Variants in VPS8 observed in about 807,000 individuals in gnomAD.
The protein encoded by VPS8 is VPS8 subunit of CORVET complex.
In VPS8, 129 loss-of-function variants were observed where a neutral mutation model predicts 216.4. That is an observed-to-expected ratio of 0.60 (90% CI 0.52 to 0.69). The LOEUF (loss-of-function observed/expected upper bound fraction) is 0.69, where lower values mean the gene tolerates loss of function less well. VPS8 is among the 30% of genes least tolerant of loss of function. VPS8 has a pLI of 0.00. For missense variants in VPS8, 1,531 were observed against 1,683.5 expected, an observed-to-expected ratio of 0.91 and a Z score of 1.59; for synonymous variants, 571 against 565.4, an observed-to-expected ratio of 1.01 and a Z score of -0.14.
intron 25 of VPS8, among the ~76,000 whole-genome samples, chr3:184,912,116 C>G (rs1301794847): frequency 6.6e-6 from 1 of 152,182 alleles, no homozygotes; most frequent in Non-Finnish European, 1.5e-5. Flanking sequence ...CTCCCCTCCC[C>G]TTTCTAAACC....
chr3:184,957,359 C>CT lies in VPS8; in HGVS notation c.3036-11dup, dbSNP rs779585237. The CT allele has an allele frequency of 6.3e-7, 1 of 1,595,500 alleles. No individual in the cohort carries two copies. The highest frequency in any genetic ancestry group is 1.3e-5 in the African/African-American group (1 of 74,598). The stretch of plus-strand genomic sequence containing the variant: ...TGCTACAATTGAGTGTTCTCTTTAT[C>CT]TTTTATGTTTTTAGGGAAGGTATTC... On this transcript the variant is annotated splice_polypyrimidine_tract_variant and intron_variant, in intron 36 of 47. Transcript: ENST00000625842.
intron 27 of VPS8, 71 bp downstream of exon 27, chr3:184,915,124 GT>G: frequency 6.5e-7 from 1 of 1,544,720 alleles, no homozygotes; most frequent in Non-Finnish European, 8.9e-7. Flanking sequence ...ACAAATTGCA[GT>G]TGAGGCTTAC....
In VPS8 at chr3:184,902,829, C is replaced by CA. The variant is rs200582217; in HGVS notation, c.2146+1873dup. On this transcript the variant is annotated intron_variant, in intron 25 of 47. Coordinates refer to ENST00000625842, the MANE Select transcript of VPS8 (RefSeq NM_001009921.3). ...GGGGCAACAGAGTGAGATGCTGTCT[C>CA]AAAAAAAAAAAAAAAAGAAATCTTG... is the stretch of plus-strand genomic sequence containing the variant. 2.8e-3 allele frequency among the ~76,000 whole-genome samples: 302 copies of CA among 107,682 alleles called. 1 individual carries two copies. The highest frequency in any genetic ancestry group is 5.4e-3 in the South Asian group (17 of 3,158). 70.6% of individuals were successfully genotyped at this position (107,682 alleles called of 152,430 possible).
chr3:184,891,652 G>A (rs936505016), intron 22 of VPS8, among the ~76,000 whole-genome samples: 1 of 152,060 alleles, frequency 6.6e-6, no homozygotes, highest in Non-Finnish European at 1.5e-5. Flanking sequence ...ACGAACTGTG[G>A]TACTTGTATC....
chr3:184,949,028 G>A (rs1275317058), intron 36 of VPS8, among the ~76,000 whole-genome samples: 1 of 152,122 alleles, frequency 6.6e-6, no homozygotes, highest in Non-Finnish European at 1.5e-5. Flanking sequence ...AGATTAGTCT[G>A]GGTGAGGTGG....
intron 45 of VPS8, among the ~76,000 whole-genome samples, chr3:185,000,731 G>A (rs1284795221): frequency 6.6e-6 from 1 of 150,812 alleles, no homozygotes; most frequent in Non-Finnish European, 1.5e-5. Flanking sequence ...TCAGCCTCCC[G>A]AGTAGCTGGG....
At position 184,915,028 on chromosome 3, in the gene VPS8, ATC is replaced by A; in HGVS notation, c.2239_2240del (p.Leu747GlyfsTer5). On this transcript the variant is annotated frameshift_variant, in exon 27 of 48. Transcript: ENST00000625842. LOFTEE classifies it high-confidence loss of function. ...TATCCCCTTGGTGACATCCCTGAAG[ATC>A]TGGTTCCCTTGGTTAAAAACCAGGT... 1 of 1,613,946 alleles carries A rather than the reference ATC, an allele frequency of 6.2e-7. No individual in the cohort carries two copies. Among genetic ancestry groups the A allele is most frequent in the Non-Finnish European group, 8.5e-7 (1 of 1,179,864 alleles).
At position 184,949,750 on chromosome 3, in the gene VPS8, A is replaced by G. The variant is rs184690266; in HGVS notation, c.3036-7624A>G. Among the ~76,000 whole-genome samples, 348 of 152,182 alleles carry G rather than the reference A, an allele frequency of 2.3e-3. 7 individuals are homozygous for G. The highest frequency in any genetic ancestry group is 0.023 in the Admixed American group (345 of 15,284). ...TTCAGGCAGATTGGAACATTCATTT[A>G]TGTTTTGCTTAGTTGGCAAAACTAA... On this transcript the variant is annotated intron_variant, in intron 36 of 47. Transcript: ENST00000625842.
At chr3:184,933,419 C>G (rs1229447561) in intron 34 of VPS8, among the ~76,000 whole-genome samples, 1 of 152,044 alleles carries the variant, frequency 6.6e-6, no homozygotes, top group East Asian at 1.9e-4. Flanking sequence ...CTCATACTTA[C>G]TGTTTTGGAA....
intron 46 of VPS8, among the ~76,000 whole-genome samples, chr3:185,033,781 T>C (rs1257333161): frequency 2.0e-5 from 3 of 152,176 alleles, no homozygotes; most frequent in Non-Finnish European, 4.4e-5. Context: ...TCACCAGCAT[T>C]TGGTGTTGTG....
At chr3:184,924,798 T>A (rs1038569969) in intron 29 of VPS8, 64 bp from the exon 30 acceptor site, 1 of 1,147,666 alleles carries the variant, frequency 8.7e-7, no homozygotes, top group African/African-American at 3.3e-5. Context: ...CTTCTAATTG[T>A]ATTTTTTTTT....
chr3:184,835,097 C>A (rs1457575665), intron 5 of VPS8: 1 of 166,868 alleles, frequency 6.0e-6, no homozygotes, highest in South Asian at 2.0e-4. Context: ...TTTCTCTTTT[C>A]ATATGGAGAA....
At chr3:184,975,388 A>T (rs1749085389) in intron 40 of VPS8, among the ~76,000 whole-genome samples, 1 of 151,432 alleles carries the variant, frequency 6.6e-6, no homozygotes, top group South Asian at 2.1e-4. Context: ...TGATTGTTGA[A>T]TGTTGATTTT....
Position 184,878,197 on chromosome 3 carries a change from G to A in VPS8, c.1734+7392G>A, listed in dbSNP as rs1729617524. Among the ~76,000 whole-genome samples, 3 of 151,276 alleles carry A rather than the reference G, an allele frequency of 2.0e-5. No individual in the cohort carries two copies. The South Asian group carries it at 6.3e-4, about 32-fold the overall frequency. ...ATGATCTCGGCTCACTGCAACCTCT[G>A]CCTCCCGGGTTCAAGCTATTTTCCT... On this transcript the variant is annotated intron_variant, in intron 21 of 47. Coordinates refer to ENST00000625842, the MANE Select transcript of VPS8 (RefSeq NM_001009921.3).
At chr3:184,884,641 C>T (rs897178947) in intron 21 of VPS8, among the ~76,000 whole-genome samples, 15 of 151,922 alleles carry the variant, frequency 9.9e-5, no homozygotes, top group African/African-American at 3.6e-4. Flanking sequence ...TTCTAATTTC[C>T]TTTCATTGAG....
chr3:185,014,798 A>G (rs114735414), intron 45 of VPS8, among the ~76,000 whole-genome samples: 2,219 of 152,308 alleles, frequency 0.015, 21 homozygotes, highest in Non-Finnish European at 0.024. Context: ...TGTGTTTAAT[A>G]TTCCATGTAG....
At chr3:184,995,032 A>T (rs930129445) in intron 43 of VPS8, among the ~76,000 whole-genome samples, 2 of 152,198 alleles carry the variant, frequency 1.3e-5, no homozygotes, top group Non-Finnish European at 2.9e-5. Context: ...TGCCCCCATG[A>T]TTCAGTTACC....
intron 36 of VPS8, among the ~76,000 whole-genome samples, chr3:184,956,683 G>A (rs1424178457): frequency 2.0e-5 from 3 of 152,200 alleles, no homozygotes; most frequent in South Asian, 2.1e-4. Flanking sequence ...TGAGTGGCCA[G>A]TATGATGCAG....
intron 23 of VPS8, among the ~76,000 whole-genome samples, chr3:184,895,629 C>CTCCT (rs1733296030): frequency 2.1e-3 from 4 of 1,896 alleles, no homozygotes; most frequent in Non-Finnish European, 0.012. Context: ...CCTCCTCCTC[C>CTCCT]CCCCCCCCCC....
Sources: allele counts gnomAD v4.1 joint callset (sites outside exome capture counted in the v4.1 genomes callset), GRCh38; gene constraint gnomAD v4.1.1; transcripts MANE v1.5; gene names NCBI Gene and HGNC (gene_info 2026-07-23, HGNC 2026-07-21).